The following PC variants were observed in gnomAD, a reference collection of about 807,000 sequenced individuals.
PC encodes pyruvate carboxylase.
PC carries 46 observed loss-of-function variants against 107.8 expected under a neutral mutation model. The observed-to-expected ratio is 0.43, with a 90% CI of 0.34 to 0.55. The LOEUF (loss-of-function observed/expected upper bound fraction) is 0.55. Ranked by LOEUF, PC falls within the 20% of genes least tolerant of loss-of-function variation. The pLI is 0.04. For synonymous variants in PC, 662 were observed against 684.7 expected (o/e 0.97, Z 0.52); for missense variants, 1,241 against 1,643.1 (o/e 0.76, Z 4.23).
rs2135920105 is a variant in PC at position 66,866,791 on chromosome 11, A to G, written c.1023-442T>C. ...GCCAGGATAGCACATTCTTGGGGCC[A>G]TATGTGCTATGCTGTGTGGGTGGTT... On this transcript the variant is annotated intron_variant, in intron 10 of 22. Transcript: ENST00000393960. The surrounding 1 kb of genome is among the most constrained non-coding windows in gnomAD (Gnocchi z 5.4). 6.6e-6 allele frequency among the ~76,000 whole-genome samples: 1 copy of G among 152,274 alleles called. No homozygotes were observed. Among genetic ancestry groups the G allele is most frequent in the Non-Finnish European group, 1.5e-5 (1 of 68,018 alleles).
intron 3 of PC, among the ~76,000 whole-genome samples, chr11:66,884,805 G>C (rs1001432045): frequency 6.6e-6 from 1 of 152,208 alleles, no homozygotes; most frequent in Non-Finnish European, 1.5e-5. Flanking sequence ...GGGAACCAGG[G>C]AAGCTGAGTT....
intron 19 of PC, 27 bp from the exon 20 acceptor site, chr11:66,850,143 G>A: frequency 6.2e-7 from 1 of 1,613,838 alleles, no homozygotes; most frequent in South Asian, 1.1e-5. Flanking sequence ...GGAGGTTAGG[G>A]TGCCAGGCAC....
intron 3 of PC, among the ~76,000 whole-genome samples, chr11:66,875,162 G>C (rs1347753077): frequency 6.6e-6 from 1 of 151,896 alleles, no homozygotes; most frequent in Non-Finnish European, 1.5e-5. Flanking sequence ...GCGAGCAGCA[G>C]GGGCTGACAG....
chr11:66,943,508 G>C (rs2136137672), intron 3 of PC, among the ~76,000 whole-genome samples: 1 of 151,810 alleles, frequency 6.6e-6, no homozygotes, highest in African/African-American at 2.4e-5. Context: ...GGAGGCCGAG[G>C]CCCGGATCAT....
intron 3 of PC, among the ~76,000 whole-genome samples, chr11:66,919,138 A>C (rs1400482515): frequency 6.6e-6 from 1 of 152,204 alleles, no homozygotes. Flanking sequence ...TCTTCAAGCC[A>C]GGTGCGGTGG....
intron 12 of PC, chr11:66,860,600 GC>G (rs1946204231): frequency 1.4e-6 from 1 of 701,316 alleles, no homozygotes; most frequent in Non-Finnish European, 2.6e-6. Flanking sequence ...GCAGCCTGGG[GC>G]CTCCTGGCTT....
intron 12 of PC, among the ~76,000 whole-genome samples, chr11:66,862,554 T>TG (rs1164444170): frequency 6.6e-6 from 1 of 152,114 alleles, no homozygotes; most frequent in Non-Finnish European, 1.5e-5. Flanking sequence ...GCCCGCCCTG[T>TG]GGGGACCCCC....
chr11:66,939,097 G>A (rs1188410072), intron 3 of PC, among the ~76,000 whole-genome samples: 1 of 152,048 alleles, frequency 6.6e-6, no homozygotes, highest in Admixed American at 6.6e-5. Flanking sequence ...TTTACTATAT[G>A]GTCAGCCCTC....
rs1195616159 is a variant in PC at position 66,870,832 on chromosome 11, C to T, written c.694G>A (p.Ala232Thr). The T allele has an allele frequency of 5.6e-6, 9 of 1,613,742 alleles. No individual in the cohort carries two copies. Among genetic ancestry groups the T allele is most frequent in the African/African-American group, 1.3e-5 (1 of 75,048 alleles). Residue 232 changes from alanine (A) to threonine (T), a missense_variant, in exon 8 of 23, where the codon GCG becomes ACG. By Grantham distance (58) the Ala-to-Thr change is moderately conservative. Transcript: ENST00000393960. This position sits in a 1 kb window ranked among gnomAD's most constrained non-coding sequence, Gnocchi z 6.1. ...TCGATGAACTTCTCCACAAACAGCG[C>T]CCCATTCCCAAAGGCGGCCAGAGCC... ...SEALAAFGNG[A>T]LFVEKFIEKP...
Position 66,852,473 on chromosome 11 carries a change from G to A in PC, c.1791C>T (p.Asn597=), listed in dbSNP as rs1463483214. 1.9e-6 allele frequency: 3 copies of A among 1,614,068 alleles called. No homozygotes were observed. Among genetic ancestry groups the A allele is most frequent in the South Asian group, 2.2e-5 (2 of 91,086 alleles). ...LKKIAPYVAH[N]FSKLFSMENW... is the part of the protein sequence containing the mutation. ...TCTCCATGCTGAAGAGCTTGCTGAA[G>A]TTGTGGGCAACATAGGGGGCGATCT... Residue 597 remains asparagine (N), a synonymous_variant, in exon 15 of 23, where the codon AAC becomes AAT. Transcript: ENST00000393960. This position sits in a 1 kb window ranked among gnomAD's most constrained non-coding sequence, Gnocchi z 4.7.
chr11:66,860,737 C>A, intron 12 of PC: 1 of 699,670 alleles, frequency 1.4e-6, no homozygotes, highest in South Asian at 1.5e-5. Flanking sequence ...CCCCTTCCTG[C>A]CAGGTGGCGA....
chr11:66,903,052 G>A (rs1275166559), intron 3 of PC, among the ~76,000 whole-genome samples: 1 of 152,220 alleles, frequency 6.6e-6, no homozygotes, highest in Non-Finnish European at 1.5e-5. Context: ...ATTAGCAGGG[G>A]GGTGTTCATC....
rs1591107781 is a variant in PC at position 66,848,626 on chromosome 11, C to T, written c.*273G>A. The T allele has an allele frequency of 1.6e-6, 1 of 606,898 alleles. No individual in the cohort carries two copies. 37.6% of individuals were successfully genotyped at this position (606,898 alleles called of 1,614,324 possible). A position where few individuals can be genotyped will look rare whatever the true frequency, so the allele number is the denominator to read the frequency against. ...TAGGACCCCTAAACCTCCCCTGGGT[C>T]CTAGGACCACCTGACCCACCACTTG... On this transcript the variant is annotated 3_prime_UTR_variant, in exon 23 of 23. Coordinates refer to ENST00000393960, the MANE Select transcript of PC (RefSeq NM_001040716.2).
chr11:66,857,810 C>A lies in PC; in HGVS notation c.1369-4427G>T, dbSNP rs1314206193. On this transcript the variant is annotated intron_variant, in intron 12 of 22. Coordinates refer to ENST00000393960, the MANE Select transcript of PC (RefSeq NM_001040716.2). The surrounding 1 kb of genome is among the most constrained non-coding windows in gnomAD (Gnocchi z 7.1). ...CGGCCGCCTGCCCGCTGCCCTGCGT[C>A]TGCCAGAACCTGTCCGAGTCGCTCA... 1.2e-6 allele frequency: 2 copies of A among 1,601,834 alleles called. No individual in the cohort carries two copies. Among genetic ancestry groups the A allele is most frequent in the South Asian group, 2.2e-5 (2 of 91,066 alleles).
In PC at chr11:66,858,845, G is replaced by C. The variant is rs946568424; in HGVS notation, c.1368+4929C>G. On this transcript the variant is annotated intron_variant, in intron 12 of 22. Coordinates refer to ENST00000393960, the MANE Select transcript of PC (RefSeq NM_001040716.2). The surrounding 1 kb of genome is among the most constrained non-coding windows in gnomAD (Gnocchi z 5.9). ...AGGCCACAGCCCGAGTAGAACTGCGGGTGCTGGCCTTGCCCCATGGTGGGA... is the reference window on the plus strand; with the variant it reads ...AGGCCACAGCCCGAGTAGAACTGCGCGTGCTGGCCTTGCCCCATGGTGGGA... 1.3e-6 allele frequency: 2 copies of C among 1,551,758 alleles called. No individual in the cohort carries two copies. Among genetic ancestry groups the C allele is most frequent in the African/African-American group, 2.7e-5 (2 of 73,284 alleles).
intron 3 of PC, among the ~76,000 whole-genome samples, chr11:66,911,812 CA>C (rs1456691148): frequency 6.6e-6 from 1 of 152,120 alleles, no homozygotes; most frequent in Non-Finnish European, 1.5e-5. Context: ...GCAGGCAGAT[CA>C]TAAGGTCAGG....
intron 3 of PC, among the ~76,000 whole-genome samples, chr11:66,896,998 C>CAGGA (rs1947782376): frequency 6.6e-6 from 1 of 152,100 alleles, no homozygotes; most frequent in Non-Finnish European, 1.5e-5. Flanking sequence ...GTGGTGCAAT[C>CAGGA]TCGGCTCACT....
Position 66,858,379 on chromosome 11 carries a change from C to T in PC, c.1369-4996G>A, listed in dbSNP as rs752758622. On this transcript the variant is annotated intron_variant, in intron 12 of 22. Coordinates refer to ENST00000393960, the MANE Select transcript of PC (RefSeq NM_001040716.2). The surrounding 1 kb of genome is among the most constrained non-coding windows in gnomAD (Gnocchi z 5.9). ...CGCCTGGCCACGCTGGCTCCGGACC[C>T]GCTTTTCTCTCGTGGGCGTGATGCA... The T allele has an allele frequency of 2.3e-5, 36 of 1,578,624 alleles. No individual in the cohort carries two copies. Among genetic ancestry groups the T allele is most frequent in the African/African-American group, 6.7e-5 (5 of 74,236 alleles).
Position 66,871,580 on chromosome 11 carries a change from C to T in PC, c.322-100G>A. ...TAACCTGCTGAGCTGCATCCGTTTA[C>T]CCACCCACGCACAGAGGCGCTGAGC... On this transcript the variant is annotated intron_variant, in intron 5 of 22. Coordinates refer to ENST00000393960, the MANE Select transcript of PC (RefSeq NM_001040716.2). The surrounding 1 kb of genome is among the most constrained non-coding windows in gnomAD (Gnocchi z 7.4). 6.3e-7 allele frequency: 1 copy of T among 1,584,632 alleles called. No homozygotes were observed. Among genetic ancestry groups the T allele is most frequent in the Non-Finnish European group, 8.6e-7 (1 of 1,156,540 alleles).
Sources: allele counts gnomAD v4.1 joint callset (sites outside exome capture counted in the v4.1 genomes callset), GRCh38; gene constraint gnomAD v4.1.1; non-coding constraint Gnocchi (gnomAD v3.1); transcripts MANE v1.5; gene names NCBI Gene and HGNC (gene_info 2026-07-23, HGNC 2026-07-21).